The following PRKCA variants were observed in gnomAD, a reference collection of about 807,000 sequenced individuals.
PRKCA encodes protein kinase C alpha type.
Under a neutral mutation model 87.0 loss-of-function variants are expected in PRKCA, and 27 were observed. The ratio of observed to expected loss-of-function variants is 0.31; its 90% CI spans 0.23 to 0.43. The LOEUF (loss-of-function observed/expected upper bound fraction) is 0.43. Ranked by LOEUF, PRKCA falls within the 20% of genes least tolerant of loss-of-function variation. The probability of loss-of-function intolerance (pLI) is 1.00; values close to 1 mark genes in which losing one functional copy is unlikely to be tolerated. For synonymous variants in PRKCA, 329 were observed against 311.1 expected (o/e 1.06, Z -0.61); for missense variants, 518 against 852.3 (o/e 0.61, Z 4.88).
In PRKCA at chr17:66,803,505, G is replaced by A. The variant is rs117478678; in HGVS notation, c.1855-368G>A. Reference sequence around the variant, plus strand: ...GCCTGCAGCCCCAGCCGACATCCTGGCCTTTCAACACGGAGCTGTGACTGA... The same window carrying A: ...GCCTGCAGCCCCAGCCGACATCCTGACCTTTCAACACGGAGCTGTGACTGA... On this transcript the variant is annotated intron_variant, in intron 16 of 16. Transcript: ENST00000413366. The surrounding 1 kb of genome is among the most constrained non-coding windows in gnomAD (Gnocchi z 4.4). Among the ~76,000 whole-genome samples the A allele has an allele frequency of 0.016, 2,492 of 152,322 alleles. 33 individuals are homozygous for A. Among genetic ancestry groups the A allele is most frequent in the Admixed American group, 0.029 (447 of 15,308 alleles).
chr17:66,542,125 A>G lies in PRKCA; in HGVS notation c.288+45842A>G, dbSNP rs189824046. On this transcript the variant is annotated intron_variant, in intron 3 of 16. Transcript: ENST00000413366. ...TTACTAGTTAATGTTTAAGGAGTTT[A>G]TACGGAGTGGACTGAGCCAAGCATT... 6.5e-3 allele frequency among the ~76,000 whole-genome samples: 995 copies of G among 152,350 alleles called. 32 individuals carry two copies. The highest frequency in any genetic ancestry group is 0.057 in the Admixed American group (869 of 15,302).
intron 2 of PRKCA, among the ~76,000 whole-genome samples, chr17:66,331,192 C>T (rs1257276790): frequency 6.6e-6 from 1 of 152,110 alleles, no homozygotes. Flanking sequence ...TAGCTGTGTC[C>T]TCTGATGGCC....
At chr17:66,303,785 C>T (rs1904648590) in intron 1 of PRKCA, among the ~76,000 whole-genome samples, 1 of 151,882 alleles carries the variant, frequency 6.6e-6, no homozygotes, top group Non-Finnish European at 1.5e-5. Context: ...GGCGGATCAC[C>T]TAAGGTCAGT....
intron 3 of PRKCA, among the ~76,000 whole-genome samples, chr17:66,613,776 A>AT (rs1970439940): frequency 9.8e-6 from 1 of 102,058 alleles, no homozygotes; most frequent in Non-Finnish European, 1.9e-5. Flanking sequence ...GTATGACTTC[A>AT]TCCTTTTTTT....
chr17:66,641,527 T>G, intron 4 of PRKCA, 61 bp downstream of exon 4: 1 of 1,291,400 alleles, frequency 7.7e-7, no homozygotes, highest in East Asian at 2.4e-5. Flanking sequence ...CAGGGTTTGC[T>G]GAGCAAGGAA....
At chr17:66,474,008 G>T (rs1915435602) in intron 2 of PRKCA, among the ~76,000 whole-genome samples, 1 of 152,066 alleles carries the variant, frequency 6.6e-6, no homozygotes, top group East Asian at 1.9e-4. Context: ...TATGAACTGT[G>T]TGACTTTGCA....
At chr17:66,351,957 TTAGGGTC>T (rs1907771272) in intron 2 of PRKCA, among the ~76,000 whole-genome samples, 1 of 152,174 alleles carries the variant, frequency 6.6e-6, no homozygotes, top group African/African-American at 2.4e-5. Flanking sequence ...TTCCCTGCTC[TTAGGGTC>T]TAAACTGGCA....
chr17:66,509,606 C>T (rs1000604938), intron 3 of PRKCA, among the ~76,000 whole-genome samples: 2 of 152,172 alleles, frequency 1.3e-5, no homozygotes, highest in Admixed American at 6.5e-5. Flanking sequence ...GCTCAACCTC[C>T]CGATCTAAAT....
At chr17:66,367,024 T>TC (rs1908771207) in intron 2 of PRKCA, among the ~76,000 whole-genome samples, 2 of 152,326 alleles carry the variant, frequency 1.3e-5, no homozygotes, top group South Asian at 4.1e-4. Flanking sequence ...GTTGCCCTCT[T>TC]CCCCTCTCCT....
At chr17:66,636,376 A>C (rs1319863580) in intron 3 of PRKCA, among the ~76,000 whole-genome samples, 1 of 152,242 alleles carries the variant, frequency 6.6e-6, no homozygotes, top group Non-Finnish European at 1.5e-5. Flanking sequence ...GAGACAGTGC[A>C]AGAGGTGGTT....
At chr17:66,532,177 C>A (rs137949495) in intron 3 of PRKCA, among the ~76,000 whole-genome samples, 110 of 151,274 alleles carry the variant, frequency 7.3e-4, no homozygotes, top group African/African-American at 2.3e-3. Context: ...AAAGAACAAC[C>A]TTGAGTCCCT....
intron 2 of PRKCA, among the ~76,000 whole-genome samples, chr17:66,377,701 T>TATATATA (rs1491432626): frequency 1.5e-4 from 12 of 77,926 alleles, no homozygotes; most frequent in Admixed American, 2.1e-4. Flanking sequence ...AGTCTATGTT[T>TATATATA]TATATATATA....
intron 13 of PRKCA, among the ~76,000 whole-genome samples, chr17:66,755,168 G>A (rs963301222): frequency 6.6e-5 from 10 of 152,124 alleles, no homozygotes; most frequent in Non-Finnish European, 1.0e-4. Flanking sequence ...GACTTGAAAC[G>A]GTGCTGCCTC....
chr17:66,320,776 G>T (rs914107555), intron 2 of PRKCA, among the ~76,000 whole-genome samples: 33 of 152,126 alleles, frequency 2.2e-4, no homozygotes, highest in African/African-American at 6.5e-4. Context: ...TACCAGAGCT[G>T]ATTTTGCCTT....
Position 66,530,012 on chromosome 17 carries a change from C to G in PRKCA, c.288+33729C>G, listed in dbSNP as rs537643622. On this transcript the variant is annotated intron_variant, in intron 3 of 16. Transcript: ENST00000413366. ...CAGGGAGGAAGTAGGATTCCTTTTG[C>G]TGCTAGGAACCACGTTAGCTTTGGA... Among the ~76,000 whole-genome samples the G allele has an allele frequency of 4.2e-4, 64 of 152,284 alleles. 1 individual carries two copies. Among genetic ancestry groups the G allele is most frequent in the Non-Finnish European group, 3.4e-4 (23 of 68,030 alleles).
chr17:66,357,583 A>G (rs1398286306), intron 2 of PRKCA, among the ~76,000 whole-genome samples: 5 of 152,238 alleles, frequency 3.3e-5, no homozygotes, highest in Non-Finnish European at 7.3e-5. Context: ...TACTGGCGCT[A>G]CTTGTTAGCT....
intron 3 of PRKCA, among the ~76,000 whole-genome samples, chr17:66,633,662 A>G (rs953216958): frequency 2.6e-5 from 4 of 152,184 alleles, no homozygotes; most frequent in East Asian, 1.9e-4. Flanking sequence ...AGAGAAACCT[A>G]TGGGGCATTT....
At chr17:66,772,984 A>G (rs919351704) in intron 13 of PRKCA, among the ~76,000 whole-genome samples, 7 of 152,112 alleles carry the variant, frequency 4.6e-5, no homozygotes, top group African/African-American at 1.7e-4. Context: ...GCACACTTTA[A>G]AAATGTTTTA....
At chr17:66,459,661 G>A (rs1314628067) in intron 2 of PRKCA, among the ~76,000 whole-genome samples, 2 of 152,150 alleles carry the variant, frequency 1.3e-5, no homozygotes, top group Non-Finnish European at 2.9e-5. Context: ...AGCAAAGAGA[G>A]ACCCATGGTT....
Sources: gnomAD v4.1 joint callset for allele counts (sites outside exome capture counted in the v4.1 genomes callset) on GRCh38, gnomAD v4.1.1 for gene constraint, Gnocchi (gnomAD v3.1) non-coding constraint, MANE v1.5 for transcripts, NCBI Gene and HGNC (gene_info 2026-07-23, HGNC 2026-07-21) for gene names.